GLIS3: variants seen among roughly 807,000 people sequenced by gnomAD.
GLIS3 encodes zinc finger protein GLIS3.
GLIS3 carries 53 observed loss-of-function variants against 78.6 expected under a neutral mutation model. The ratio of observed to expected loss-of-function variants is 0.67; its 90% CI spans 0.54 to 0.85. The LOEUF (loss-of-function observed/expected upper bound fraction) is 0.85, where lower values mean the gene tolerates loss of function less well. Among genes scored for constraint, GLIS3 ranks in the 40% least tolerant of loss-of-function variants. The probability of loss-of-function intolerance (pLI) is 0.00; values close to 1 mark genes in which losing one functional copy is unlikely to be tolerated. For synonymous variants in GLIS3, 684 were observed against 509.9 expected, an observed-to-expected ratio of 1.34 and a Z score of -4.60; for missense variants, 1,703 against 1,231.1, an observed-to-expected ratio of 1.38 and a Z score of -5.74.
At chr9:3,884,815 A>T (rs899247760) in intron 7 of GLIS3, among the ~76,000 whole-genome samples, 6 of 152,208 alleles carry the variant, frequency 3.9e-5, no homozygotes, top group African/African-American at 1.4e-4. Context: ...TTTTATTAAT[A>T]GATCACATGA....
chr9:4,191,542 C>T (rs895672808), intron 2 of GLIS3, among the ~76,000 whole-genome samples: 4 of 152,212 alleles, frequency 2.6e-5, no homozygotes, highest in African/African-American at 9.6e-5. Context: ...AGACCTAGAT[C>T]TCTGTGGTTT....
chr9:4,349,988 G>C (rs1360357582), upstream of GLIS3, among the ~76,000 whole-genome samples: 2 of 152,226 alleles, frequency 1.3e-5, no homozygotes, highest in Admixed American at 6.5e-5. Context: ...CTGGCTTCAG[G>C]AATGTGAAAG....
intron 4 of GLIS3, among the ~76,000 whole-genome samples, chr9:4,053,498 T>C (rs933496487): frequency 6.6e-6 from 1 of 152,108 alleles, no homozygotes; most frequent in African/African-American, 2.4e-5. Context: ...TCTACTTCTC[T>C]TCCTTTCTAG....
the GLIS3 span, among the ~76,000 whole-genome samples, chr9:4,398,601 A>G: frequency 6.6e-6 from 1 of 152,072 alleles, no homozygotes; most frequent in East Asian, 1.9e-4. Context: ...CCTTTAGCTA[A>G]AAGTGGCTCC....
At chr9:3,928,544 G>T (rs1228883578) in intron 6 of GLIS3, among the ~76,000 whole-genome samples, 1 of 152,214 alleles carries the variant, frequency 6.6e-6, no homozygotes, top group Non-Finnish European at 1.5e-5. Flanking sequence ...AAATTTTCTG[G>T]TTTTGAGTAT....
chr9:3,914,748 C>T (rs1231707542), intron 6 of GLIS3, among the ~76,000 whole-genome samples: 1 of 152,120 alleles, frequency 6.6e-6, no homozygotes, highest in Non-Finnish European at 1.5e-5. Flanking sequence ...TACATTCCAG[C>T]CCCCTGTTTG....
At chr9:4,206,015 T>A (rs2380948) in intron 2 of GLIS3, among the ~76,000 whole-genome samples, 57,322 of 151,636 alleles carry the variant, frequency 0.38, 11,670 homozygotes, top group South Asian at 0.62. Flanking sequence ...GATACCTGAA[T>A]CTGATTTAGA....
chr9:3,957,578 G>A (rs760415170), intron 4 of GLIS3, among the ~76,000 whole-genome samples: 14 of 152,170 alleles, frequency 9.2e-5, no homozygotes, highest in Non-Finnish European at 1.9e-4. Flanking sequence ...TAGATCCTCA[G>A]CCCAGAGGCA....
chr9:4,336,043 A>T (rs904436950), intron 2 of GLIS3, among the ~76,000 whole-genome samples: 2 of 152,186 alleles, frequency 1.3e-5, no homozygotes, highest in Non-Finnish European at 2.9e-5. Context: ...ATCTTGAGTA[A>T]GTCATTACAC....
chr9:4,266,481 C>T (rs1036428313), intron 2 of GLIS3, among the ~76,000 whole-genome samples: 1 of 152,034 alleles, frequency 6.6e-6, no homozygotes, highest in Admixed American at 6.6e-5. Context: ...CTTTCTTCTC[C>T]TATAATTAGG....
At chr9:4,365,446 A>C in the GLIS3 span, among the ~76,000 whole-genome samples, 1 of 151,912 alleles carries the variant, frequency 6.6e-6, no homozygotes, top group African/African-American at 2.4e-5. Context: ...AGTCCCAGCT[A>C]CTCAGGGGCT....
the GLIS3 span, among the ~76,000 whole-genome samples, chr9:4,477,836 A>G: frequency 2.6e-5 from 4 of 152,230 alleles, no homozygotes; most frequent in Non-Finnish European, 5.9e-5. Flanking sequence ...CTGTACACTT[A>G]AAAACATGGT....
intron 2 of GLIS3, among the ~76,000 whole-genome samples, chr9:4,346,672 G>GGCAATAGCTGTGTCTTAGT (rs1443805308): frequency 2.2e-3 from 1 of 454 alleles, no homozygotes; most frequent in African/African-American, 2.2e-3. Flanking sequence ...AATGGATGGA[G>GGCAATAGCTGTGTCTTAGT]CCGGGCGCGG....
At position 4,118,747 on chromosome 9, in the gene GLIS3, T is replaced by C. The variant is rs902506357; in HGVS notation, c.731A>G (p.Asn244Ser). 1 of 1,613,786 alleles carries C rather than the reference T, an allele frequency of 6.2e-7. No homozygotes were observed. The highest frequency in any genetic ancestry group is 1.3e-5 in the African/African-American group (1 of 74,886). The change falls in exon 4 of 11, where the codon AAT becomes AGT. Residue 244 changes from asparagine to serine, a missense_variant. By Grantham distance (46) the Asn-to-Ser change is conservative. Transcript: ENST00000381971. The surrounding 1 kb of genome is among the most constrained non-coding windows in gnomAD (Gnocchi z 4.7). ...LPSLSNHGSQ[N>S]GLDLGDLLSL... ...AAGGAGATCCCCTAGATCAAGGCCA[T>C]TCTGAGAGCCGTGGTTGGAGAGCGA...
At chr9:3,861,833 G>C (rs1032232944) in intron 8 of GLIS3, among the ~76,000 whole-genome samples, 1 of 152,180 alleles carries the variant, frequency 6.6e-6, no homozygotes, top group Non-Finnish European at 1.5e-5. Flanking sequence ...AATGCATGCG[G>C]GGCTTAATAC....
chr9:4,414,719 T>G, the GLIS3 span, among the ~76,000 whole-genome samples: 2 of 152,118 alleles, frequency 1.3e-5, no homozygotes, highest in African/African-American at 4.8e-5. Flanking sequence ...ATTCCAGTCT[T>G]AGCAAGAACC....
intron 2 of GLIS3, among the ~76,000 whole-genome samples, chr9:4,281,338 A>G (rs1170964711): frequency 6.6e-6 from 1 of 152,098 alleles, no homozygotes; most frequent in South Asian, 2.1e-4. Flanking sequence ...CGGTGGCATT[A>G]AGTACATTCA....
chr9:4,185,930 G>T (rs1214104521), intron 2 of GLIS3, among the ~76,000 whole-genome samples: 5 of 152,180 alleles, frequency 3.3e-5, no homozygotes, highest in African/African-American at 7.2e-5. Flanking sequence ...AAAATGGAAG[G>T]ACAGTCAGAA....
intron 4 of GLIS3, among the ~76,000 whole-genome samples, chr9:3,979,442 C>G (rs972049929): frequency 2.0e-5 from 3 of 152,212 alleles, no homozygotes; most frequent in Non-Finnish European, 4.4e-5. Context: ...ACGCTTCGAG[C>G]GAAGACCACA....
Sources: gnomAD v4.1 joint callset for allele counts (sites outside exome capture counted in the v4.1 genomes callset) on GRCh38, gnomAD v4.1.1 for gene constraint, Gnocchi (gnomAD v3.1) non-coding constraint, MANE v1.5 for transcripts, NCBI Gene and HGNC (gene_info 2026-07-23, HGNC 2026-07-21) for gene names.